SEMA3A: variants seen among roughly 807,000 people sequenced by gnomAD.
SEMA3A encodes semaphorin-3A.
SEMA3A carries 29 observed loss-of-function variants against 97.9 expected under a neutral mutation model. That is an observed-to-expected ratio of 0.30 (90% CI 0.22 to 0.40). The LOEUF (loss-of-function observed/expected upper bound fraction) is 0.40. Ranked by LOEUF, SEMA3A falls within the 10% of genes least tolerant of loss-of-function variation. SEMA3A has a pLI of 1.00. For synonymous variants in SEMA3A, 321 were observed against 323.7 expected, an observed-to-expected ratio of 0.99 and a Z score of 0.09; for missense variants, 763 against 951.3, an observed-to-expected ratio of 0.80 and a Z score of 2.60.
At chr7:83,963,053 C>T in intron 16 of SEMA3A, 152 bp downstream of exon 16, 1 of 817,256 alleles carries the variant, frequency 1.2e-6, no homozygotes, top group Non-Finnish European at 2.0e-6. Context: ...CATCAGTCTG[C>T]ACTAAACACT....
At chr7:84,417,314 T>G (rs1804463319) in intron 1 of SEMA3A, among the ~76,000 whole-genome samples, 1 of 152,060 alleles carries the variant, frequency 6.6e-6, no homozygotes, top group Non-Finnish European at 1.5e-5. Flanking sequence ...ATAAAAACCT[T>G]CCTTTAGCAT....
At chr7:84,339,417 T>C (rs925615110) in intron 2 of SEMA3A, among the ~76,000 whole-genome samples, 1 of 152,176 alleles carries the variant, frequency 6.6e-6, no homozygotes, top group African/African-American at 2.4e-5. Context: ...TTGTGGGTCC[T>C]TTCAATATTT....
chr7:84,340,608 A>C (rs1003936725), intron 2 of SEMA3A, among the ~76,000 whole-genome samples: 1 of 151,590 alleles, frequency 6.6e-6, no homozygotes, highest in African/African-American at 2.4e-5. Context: ...ATGAAACCCC[A>C]TCTCTACTAA....
chr7:84,185,831 A>G (rs2116251617), intron 1 of SEMA3A, among the ~76,000 whole-genome samples: 1 of 152,272 alleles, frequency 6.6e-6, no homozygotes, highest in African/African-American at 2.4e-5. Flanking sequence ...AACCAAAATC[A>G]ACGTCCTTTT....
At chr7:83,964,227 C>G (rs572893751) in intron 15 of SEMA3A, among the ~76,000 whole-genome samples, 2 of 152,196 alleles carry the variant, frequency 1.3e-5, no homozygotes, top group East Asian at 3.9e-4. Context: ...GAACAAAACT[C>G]CTTCTTATCT....
chr7:84,184,050 G>A (rs945106210), intron 1 of SEMA3A, among the ~76,000 whole-genome samples: 6 of 152,166 alleles, frequency 3.9e-5, no homozygotes, highest in Admixed American at 1.3e-4. Context: ...TATTGTCACA[G>A]AGGAGATAGT....
intron 3 of SEMA3A, among the ~76,000 whole-genome samples, chr7:84,207,124 G>C (rs1798512919): frequency 6.6e-6 from 1 of 152,116 alleles, no homozygotes; most frequent in Admixed American, 6.5e-5. Flanking sequence ...GAATATATTC[G>C]TCTTGTAGCA....
intron 3 of SEMA3A, among the ~76,000 whole-genome samples, chr7:84,122,093 C>A (rs1795635941): frequency 6.6e-6 from 1 of 151,554 alleles, no homozygotes; most frequent in South Asian, 2.1e-4. Context: ...TGAGGAATCG[C>A]CACACTGACT....
At chr7:84,360,506 A>G (rs183534103) in intron 2 of SEMA3A, among the ~76,000 whole-genome samples, 532 of 144,224 alleles carry the variant, frequency 3.7e-3, no homozygotes, top group African/African-American at 0.011. Context: ...GGTCTGAGAG[A>G]CAGTTAGTTA....
intron 2 of SEMA3A, among the ~76,000 whole-genome samples, chr7:84,336,324 G>A (rs1802037796): frequency 6.6e-6 from 1 of 152,086 alleles, no homozygotes; most frequent in South Asian, 2.1e-4. Context: ...AAAGGAGAGG[G>A]GAGGGTCGGA....
intron 1 of SEMA3A, among the ~76,000 whole-genome samples, chr7:84,459,559 A>G (rs185732865): frequency 5.3e-4 from 81 of 152,332 alleles, no homozygotes; most frequent in African/African-American, 1.9e-3. Context: ...AAGAAAATCA[A>G]TAACAGAGGA....
chr7:83,983,301 C>G lies in SEMA3A; in HGVS notation c.1495-1823G>C, dbSNP rs549341032. 2.0e-5 allele frequency among the ~76,000 whole-genome samples: 3 copies of G among 151,400 alleles called. No individual in the cohort carries two copies. The South Asian group carries it at 6.2e-4, about 31-fold the overall frequency. Reference sequence around the variant, plus strand: ...TCCTTTTTTAAAATGAACTTAGACACTATTGAATGTAAGCAATTTCAGTAT... The same window carrying G: ...TCCTTTTTTAAAATGAACTTAGACAGTATTGAATGTAAGCAATTTCAGTAT... On this transcript the variant is annotated intron_variant, in intron 13 of 16. Coordinates refer to ENST00000265362, the MANE Select transcript of SEMA3A (RefSeq NM_006080.3).
intron 6 of SEMA3A, among the ~76,000 whole-genome samples, chr7:84,042,490 C>G (rs1407788390): frequency 2.6e-5 from 4 of 152,022 alleles, no homozygotes; most frequent in Non-Finnish European, 5.9e-5. Flanking sequence ...TAATCACTCA[C>G]AGAGTGAGTC....
At chr7:84,052,283 A>G (rs1460340910) in intron 5 of SEMA3A, among the ~76,000 whole-genome samples, 2 of 152,276 alleles carry the variant, frequency 1.3e-5, no homozygotes, top group East Asian at 3.9e-4. Flanking sequence ...TTCAGAAGGA[A>G]CGCTACCAGT....
intron 1 of SEMA3A, among the ~76,000 whole-genome samples, chr7:84,467,525 T>TAAA (rs56021863): frequency 4.1e-5 from 4 of 97,448 alleles, no homozygotes; most frequent in Non-Finnish European, 8.0e-5. Context: ...AGACTCCTTC[T>TAAA]AAAAAAAAAA....
At chr7:84,027,116 T>C (rs1182195673) in intron 6 of SEMA3A, among the ~76,000 whole-genome samples, 1 of 152,168 alleles carries the variant, frequency 6.6e-6, no homozygotes, top group Non-Finnish European at 1.5e-5. Flanking sequence ...AAGGTATATC[T>C]CTAAATATAC....
chr7:84,354,201 C>T (rs374264188), intron 2 of SEMA3A, among the ~76,000 whole-genome samples: 3 of 151,398 alleles, frequency 2.0e-5, no homozygotes, highest in South Asian at 2.1e-4. Flanking sequence ...CAATGTATTT[C>T]CCTCAGTATG....
chr7:84,339,334 T>C lies in SEMA3A; in HGVS notation c.-168-32042A>G, dbSNP rs1802109266. Among the ~76,000 whole-genome samples, 4 of 152,204 alleles carry C rather than the reference T, an allele frequency of 2.6e-5. No individual in the cohort carries two copies. The South Asian group carries it at 8.3e-4, about 32-fold the overall frequency. Reference sequence around the variant, plus strand: ...CTTGTGCAATTTCCCTCCTGTCTAATGGCCTTAATATGACCACATATTCTT... The same window carrying C: ...CTTGTGCAATTTCCCTCCTGTCTAACGGCCTTAATATGACCACATATTCTT... On this transcript the variant is annotated intron_variant, in intron 2 of 3. Transcript: ENST00000424555.
intron 3 of SEMA3A, among the ~76,000 whole-genome samples, chr7:84,217,119 T>C (rs1240144732): frequency 6.6e-6 from 1 of 152,252 alleles, no homozygotes; most frequent in East Asian, 1.9e-4. Flanking sequence ...AGCTGTAATG[T>C]GTTTTCAGTG....
Sources: gnomAD v4.1 joint callset for allele counts (sites outside exome capture counted in the v4.1 genomes callset) on GRCh38, gnomAD v4.1.1 for gene constraint, MANE v1.5 for transcripts, NCBI Gene and HGNC (gene_info 2026-07-23, HGNC 2026-07-21) for gene names.